The following NLRC4 variants were observed in gnomAD, a reference collection of about 807,000 sequenced individuals.
NLRC4 encodes the protein NLR family CARD domain-containing protein 4.
Under a neutral mutation model 79.9 loss-of-function variants are expected in NLRC4, and 63 were observed. The ratio of observed to expected loss-of-function variants is 0.79; its 90% CI spans 0.64 to 0.97. The LOEUF is 0.97. Ranked by LOEUF, NLRC4 falls within the 50% of genes least tolerant of loss-of-function variation. NLRC4 has a pLI of 0.00. For synonymous variants in NLRC4, 461 were observed against 456.5 expected, an observed-to-expected ratio of 1.01 and a Z score of -0.12; for missense variants, 1,074 against 1,215.2, an observed-to-expected ratio of 0.88 and a Z score of 1.73.
chr2:32,263,302 G>A (rs1249280622), intron 1 of NLRC4, among the ~76,000 whole-genome samples: 2 of 152,132 alleles, frequency 1.3e-5, no homozygotes, highest in East Asian at 1.9e-4. Flanking sequence ...TAGCCTTTCC[G>A]AATCTTGCTT....
intron 4 of NLRC4, among the ~76,000 whole-genome samples, chr2:32,244,907 GGAGGAGGAA>G (rs1465477408): frequency 6.6e-6 from 1 of 151,874 alleles, no homozygotes; most frequent in Non-Finnish European, 1.5e-5. Flanking sequence ...AGGAGGAGAA[GGAGGAGGAA>G]GAGGAGGAGA....
In NLRC4 at chr2:32,252,687, G is replaced by A; in HGVS notation, c.2-8C>T. 1 of 1,609,600 alleles carries A rather than the reference G, an allele frequency of 6.2e-7. No homozygotes were observed. The highest frequency in any genetic ancestry group is 8.5e-7 in the Non-Finnish European group (1 of 1,176,226). On this transcript the variant is annotated splice_region_variant and splice_polypyrimidine_tract_variant and intron_variant, in intron 2 of 8. Coordinates refer to ENST00000402280, the MANE Select transcript of NLRC4 (RefSeq NM_001199138.2). The stretch of plus-strand genomic sequence containing the variant: ...TGTCCTTTATGAAATTCACTGAGGA[G>A]ATGGGGAGAAATATACATATTTATT...
At chr2:32,233,249 T>G in intron 8 of NLRC4, among the ~76,000 whole-genome samples, 1 of 138,690 alleles carries the variant, frequency 7.2e-6, no homozygotes. Context: ...GGAGGGGACA[T>G]ACTGCTTTCA....
chr2:32,261,723 T>C (rs1687354931), intron 1 of NLRC4, among the ~76,000 whole-genome samples: 1 of 152,120 alleles, frequency 6.6e-6, no homozygotes, highest in African/African-American at 2.4e-5. Context: ...AGCATATCTA[T>C]TTTCAGAAAA....
intron 2 of NLRC4, among the ~76,000 whole-genome samples, chr2:32,254,655 G>A (rs1573499246): frequency 1.6e-5 from 2 of 126,602 alleles, no homozygotes; most frequent in South Asian, 5.2e-4. Flanking sequence ...TTTCACTGTT[G>A]CTGCCCAGGC....
intron 4 of NLRC4, among the ~76,000 whole-genome samples, chr2:32,243,104 C>T (rs1327229971): frequency 3.3e-5 from 5 of 150,364 alleles, no homozygotes; most frequent in East Asian, 2.0e-4. Context: ...GAGGGAAGGA[C>T]GGAAAAGAAA....
At chr2:32,244,648 C>G (rs766781119) in intron 4 of NLRC4, among the ~76,000 whole-genome samples, 2 of 152,110 alleles carry the variant, frequency 1.3e-5, no homozygotes, top group Non-Finnish European at 2.9e-5. Context: ...GTCAAGGAAT[C>G]TACAACACCC....
At chr2:32,229,294 G>T (rs1686476973) in intron 8 of NLRC4, among the ~76,000 whole-genome samples, 1 of 152,074 alleles carries the variant, frequency 6.6e-6, no homozygotes, top group East Asian at 2.0e-4. Flanking sequence ...GCTGGGCATA[G>T]TGCACACACT....
At chr2:32,253,696 G>T (rs1323518464) in intron 2 of NLRC4, among the ~76,000 whole-genome samples, 1 of 151,852 alleles carries the variant, frequency 6.6e-6, no homozygotes, top group Non-Finnish European at 1.5e-5. Flanking sequence ...CGGGTGCGGT[G>T]GCTCACACCT....
Position 32,224,646 on chromosome 2 carries a change from C to CT in NLRC4, c.2901dup (p.Val968SerfsTer4). On this transcript the variant is annotated frameshift_variant, in exon 9 of 9. Transcript: ENST00000402280. LOFTEE classifies it high-confidence loss of function. Reference sequence around the variant, plus strand: ...TCTTTAGTACTAAAGTCAAAAAACACTAATTGCTTAAGATTCTCAAATACA... The same window carrying CT: ...TCTTTAGTACTAAAGTCAAAAAACACTTAATTGCTTAAGATTCTCAAATACA... 3 of 1,613,632 alleles carry CT rather than the reference C, an allele frequency of 1.9e-6. No individual in the cohort carries two copies. Among genetic ancestry groups the CT allele is most frequent in the Non-Finnish European group, 2.5e-6 (3 of 1,179,616 alleles).
intron 8 of NLRC4, among the ~76,000 whole-genome samples, chr2:32,226,892 G>A (rs1686412773): frequency 6.6e-6 from 1 of 151,860 alleles, no homozygotes; most frequent in African/African-American, 2.4e-5. Context: ...AAAAAAAAGA[G>A]AAGAAAAGTG....
intron 5 of NLRC4, 33 bp from the exon 6 acceptor site, chr2:32,238,335 A>G (rs1011489867): frequency 3.2e-6 from 5 of 1,560,644 alleles, no homozygotes; most frequent in Non-Finnish European, 4.4e-6. Context: ...GCATTAGGAT[A>G]CCAAGTTAAT....
intron 4 of NLRC4, among the ~76,000 whole-genome samples, chr2:32,249,017 G>C (rs756870445): frequency 6.6e-6 from 1 of 152,156 alleles, no homozygotes; most frequent in African/African-American, 2.4e-5. Flanking sequence ...CCACAGACTG[G>C]TTCTGGCTGG....
At position 32,250,579 on chromosome 2, in the gene NLRC4, T is replaced by C. The variant is rs1345939102; in HGVS notation, c.1285A>G (p.Lys429Glu). Residue 429 changes from lysine to glutamate, a missense_variant, in exon 4 of 9, where the codon AAA becomes GAA. By Grantham distance (56) the Lys-to-Glu change is moderately conservative. Transcript: ENST00000402280. This position sits in a 1 kb window ranked among gnomAD's most constrained non-coding sequence, Gnocchi z 4.9. The stretch of plus-strand genomic sequence containing the variant: ...GGCTTGAACCTTTGAGCTGTATATT[T>C]ACAGAGGAGCCCAGTTGTCAGCAGG... The part of the protein sequence containing the change: ...DVLLTTGLLC[K>E]YTAQRFKPKY... 1 of 1,614,192 alleles carries C rather than the reference T, an allele frequency of 6.2e-7. No homozygotes were observed. The highest frequency in any genetic ancestry group is 1.7e-5 in the Admixed American group (1 of 60,016).
Position 32,224,503 on chromosome 2 carries a change from A to G in NLRC4, c.3045T>C (p.Ile1015=), listed in dbSNP as rs775869664. The change falls in exon 9 of 9, where the codon ATT becomes ATC. Residue 1015 remains isoleucine (I), a synonymous_variant. Transcript: ENST00000402280. ...WQFDDDDLSV[I]TGAFKLVTA is the part of the protein sequence containing the mutation. ...CAGTTACTAGTTTAAAAGCACCTGT[A>G]ATAACACTGAGATCATCATCATCAA... 1.7e-5 allele frequency: 28 copies of G among 1,611,972 alleles called. No individual in the cohort carries two copies. The highest frequency in any genetic ancestry group is 2.4e-5 in the Non-Finnish European group (28 of 1,179,262).
At chr2:32,229,281 T>C (rs531346046) in intron 8 of NLRC4, among the ~76,000 whole-genome samples, 1 of 151,760 alleles carries the variant, frequency 6.6e-6, no homozygotes, top group Non-Finnish European at 1.5e-5. Flanking sequence ...AATACAAAAA[T>C]TAGCTGGGCA....
At chr2:32,248,182 A>G (rs1686983468) in intron 4 of NLRC4, among the ~76,000 whole-genome samples, 1 of 152,148 alleles carries the variant, frequency 6.6e-6, no homozygotes. Context: ...TATATCTAAC[A>G]TTTTCACAGT....
chr2:32,248,578 G>A (rs1020296776), intron 4 of NLRC4, among the ~76,000 whole-genome samples: 1 of 152,194 alleles, frequency 6.6e-6, no homozygotes. Context: ...CCAACAGTTT[G>A]GAAGGTGGAG....
At chr2:32,227,460 C>T (rs1176005151) in intron 8 of NLRC4, among the ~76,000 whole-genome samples, 2 of 152,184 alleles carry the variant, frequency 1.3e-5, no homozygotes, top group East Asian at 1.9e-4. Flanking sequence ...TTTGCCCCTT[C>T]TCCATATGCT....
Sources: allele counts gnomAD v4.1 joint callset (sites outside exome capture counted in the v4.1 genomes callset), GRCh38; gene constraint gnomAD v4.1.1; non-coding constraint Gnocchi (gnomAD v3.1); transcripts MANE v1.5; gene names NCBI Gene and HGNC (gene_info 2026-07-23, HGNC 2026-07-21).